GRB14: variants seen among roughly 807,000 people sequenced by gnomAD.
The protein encoded by GRB14 is growth factor receptor bound protein 14, also known as growth factor receptor-bound protein 14.
A neutral mutation model predicts 69.1 loss-of-function variants in GRB14; 38 were observed. The ratio of observed to expected loss-of-function variants is 0.55; its 90% confidence interval spans 0.42 to 0.72. The LOEUF (loss-of-function observed/expected upper bound fraction) is 0.72, where lower values mean the gene tolerates loss of function less well. Ranked by LOEUF, GRB14 falls within the 30% of genes least tolerant of loss-of-function variation. The probability of loss-of-function intolerance (pLI) is 0.00; values close to 1 mark genes in which losing one functional copy is unlikely to be tolerated. For synonymous variants in GRB14, 247 were observed against 241.3 expected (o/e 1.02, Z -0.22); for missense variants, 666 against 666.1 (o/e 1.00, Z 0.00).
chr2:164,621,075 C>T lies in GRB14; in HGVS notation c.191+44G>A. 8.0e-7 allele frequency: 1 copy of T among 1,243,272 alleles called. No homozygotes were observed. The highest frequency in any genetic ancestry group is 1.0e-6 in the Non-Finnish European group (1 of 986,298). The allele number at this position is 1,243,272 out of a possible 1,614,324, so 77.0% of individuals were successfully genotyped here. The stretch of plus-strand genomic sequence containing the variant: ...GACCGCCTCCTCACCCCCTCGCCGG[C>T]TGCCCAGCCAGGACACTCCCCCGCG... On this transcript the variant is annotated intron_variant, in intron 1 of 13. Transcript: ENST00000263915. This position sits in a 1 kb window ranked among gnomAD's most constrained non-coding sequence, Gnocchi z 6.0.
At chr2:164,605,116 G>A (rs1470807592) in intron 2 of GRB14, among the ~76,000 whole-genome samples, 1 of 152,150 alleles carries the variant, frequency 6.6e-6, no homozygotes, top group Non-Finnish European at 1.5e-5. Flanking sequence ...GTACCAGTGA[G>A]GAGAGTCTCA....
chr2:164,516,062 G>A (rs930355104), intron 6 of GRB14, among the ~76,000 whole-genome samples: 5 of 151,386 alleles, frequency 3.3e-5, no homozygotes, highest in East Asian at 1.9e-4. Flanking sequence ...AAGAAGTTTC[G>A]GATTATGTTA....
intron 2 of GRB14, among the ~76,000 whole-genome samples, chr2:164,596,775 C>T (rs1689791874): frequency 6.6e-6 from 1 of 152,110 alleles, no homozygotes. Context: ...AAACAATAAA[C>T]TCAAACATTA....
intron 5 of GRB14, among the ~76,000 whole-genome samples, chr2:164,522,431 G>A (rs1687658247): frequency 6.6e-6 from 1 of 152,116 alleles, no homozygotes; most frequent in Non-Finnish European, 1.5e-5. Context: ...TACATTCTAA[G>A]TGATAGTACA....
At chr2:164,573,479 A>G (rs1689167177) in intron 2 of GRB14, among the ~76,000 whole-genome samples, 2 of 152,204 alleles carry the variant, frequency 1.3e-5, no homozygotes, top group Non-Finnish European at 2.9e-5. Context: ...CACTAAATCT[A>G]AATGTTGTCT....
intron 3 of GRB14, among the ~76,000 whole-genome samples, chr2:164,538,562 T>C (rs1439779794): frequency 6.6e-6 from 1 of 152,180 alleles, no homozygotes; most frequent in African/African-American, 2.4e-5. Context: ...TGTCAAAGTG[T>C]GTGTACAAGT....
At position 164,497,044 on chromosome 2, in the gene GRB14, G is replaced by A. The variant is rs542509382; in HGVS notation, c.1346C>T (p.Ala449Val). 2 of 1,613,860 alleles carry A rather than the reference G, an allele frequency of 1.2e-6. No individual in the cohort carries two copies. Among genetic ancestry groups the A allele is most frequent in the African/African-American group, 1.3e-5 (1 of 75,020 alleles). ...TCCTTGCTGAATAATCAATCGCTGA[G>A]CCTCATCTCTAGAAATTTTGTGGTG... The part of the protein sequence containing the change: ...WFHHKISRDE[A>V]QRLIIQQGLV... The change falls in exon 12 of 14, where the codon GCT becomes GTT. Residue 449 changes from alanine (A) to valine (V), a missense_variant. Transcript: ENST00000263915.
chr2:164,535,315 A>G (rs547017802), intron 3 of GRB14, among the ~76,000 whole-genome samples: 1 of 152,314 alleles, frequency 6.6e-6, no homozygotes, highest in South Asian at 2.1e-4. Flanking sequence ...AAAAAAGAAG[A>G]AGAAAGCAAG....
intron 3 of GRB14, among the ~76,000 whole-genome samples, chr2:164,533,949 C>T (rs1688016947): frequency 6.6e-6 from 1 of 152,052 alleles, no homozygotes; most frequent in African/African-American, 2.4e-5. Flanking sequence ...TGTCACAGAA[C>T]TATAAAACTG....
chr2:164,557,007 C>T (rs1387542389), intron 2 of GRB14, among the ~76,000 whole-genome samples: 1 of 152,028 alleles, frequency 6.6e-6, no homozygotes, highest in Non-Finnish European at 1.5e-5. Flanking sequence ...CACATGTGAA[C>T]CAAAGAGAAA....
Position 164,508,728 on chromosome 2 carries a change from T to C in GRB14, c.927+14A>G, listed in dbSNP as rs1312511284. Reference sequence around the variant, plus strand: ...GGCTTGCTTTATTCATCTATCAAAATATTAAGCCTGTACCTTAAAGCAGAA... The same window carrying C: ...GGCTTGCTTTATTCATCTATCAAAACATTAAGCCTGTACCTTAAAGCAGAA... On this transcript the variant is annotated intron_variant, in intron 7 of 13. Coordinates refer to ENST00000263915, the MANE Select transcript of GRB14 (RefSeq NM_004490.3). 4.5e-6 allele frequency: 7 copies of C among 1,560,198 alleles called. No individual in the cohort carries two copies. In the Admixed American group the frequency reaches 1.4e-4, roughly 32 times the overall value.
At chr2:164,583,829 G>A (rs1232387200) in intron 2 of GRB14, among the ~76,000 whole-genome samples, 1 of 152,042 alleles carries the variant, frequency 6.6e-6, no homozygotes, top group East Asian at 1.9e-4. Context: ...TGTAAACATT[G>A]CGGAAAAGTT....
chr2:164,597,967 C>G (rs1689823993), intron 2 of GRB14, among the ~76,000 whole-genome samples: 1 of 151,942 alleles, frequency 6.6e-6, no homozygotes, highest in Non-Finnish European at 1.5e-5. Flanking sequence ...CAAGAGCTGA[C>G]TTGAACTAAG....
At chr2:164,567,602 A>T (rs76848552) in intron 2 of GRB14, among the ~76,000 whole-genome samples, 2,638 of 152,298 alleles carry the variant, frequency 0.017, 54 homozygotes, top group African/African-American at 0.06. Context: ...CTTATTTTGG[A>T]GAGTTACAAG....
intron 2 of GRB14, among the ~76,000 whole-genome samples, chr2:164,607,888 TC>T (rs1202934518): frequency 6.6e-6 from 1 of 152,188 alleles, no homozygotes; most frequent in Non-Finnish European, 1.5e-5. Flanking sequence ...CCAATTTTTT[TC>T]CTAAGATGCT....
chr2:164,616,825 ATAAAG>A (rs894141140), intron 2 of GRB14, among the ~76,000 whole-genome samples: 1 of 152,266 alleles, frequency 6.6e-6, no homozygotes, highest in African/African-American at 2.4e-5. Flanking sequence ...GAGAGAGAAT[ATAAAG>A]TAAAGAGACA....
intron 13 of GRB14, 53 bp from the exon 14 acceptor site, chr2:164,493,235 C>T: frequency 2.0e-6 from 3 of 1,523,878 alleles, no homozygotes; most frequent in Admixed American, 1.9e-5. Context: ...CACAGAAGGA[C>T]AATCATATTC....
chr2:164,620,745 T>G (rs908954429), intron 1 of GRB14, among the ~76,000 whole-genome samples: 1 of 152,136 alleles, frequency 6.6e-6, no homozygotes, highest in East Asian at 1.9e-4. Context: ...AGACTCTATG[T>G]GGGAGGTGAA....
intron 8 of GRB14, 21 bp from the exon 9 acceptor site, chr2:164,502,356 A>T (rs1167983481): frequency 8.1e-7 from 1 of 1,238,574 alleles, no homozygotes; most frequent in South Asian, 1.2e-5. Flanking sequence ...AATAAATAAA[A>T]CACATTCCCA....
Sources: allele counts gnomAD v4.1 joint callset (sites outside exome capture counted in the v4.1 genomes callset), GRCh38; gene constraint gnomAD v4.1.1; non-coding constraint Gnocchi (gnomAD v3.1); transcripts MANE v1.5; gene names NCBI Gene and HGNC (gene_info 2026-07-23, HGNC 2026-07-21).